The following NFIX variants were observed in gnomAD, a reference collection of about 807,000 sequenced individuals.
NFIX encodes the protein nuclear factor I X.
NFIX carries 2 observed loss-of-function variants against 53.3 expected under a neutral mutation model. That is an observed-to-expected ratio of 0.04 (90% CI 0.02 to 0.12). The LOEUF is 0.12. Among genes scored for constraint, NFIX ranks in the 10% least tolerant of loss-of-function variants. The pLI, the probability that NFIX is intolerant of heterozygous loss-of-function variation, is 1.00. For synonymous variants in NFIX, 244 were observed against 289.0 expected (o/e 0.84, Z 1.58); for missense variants, 310 against 674.5 (o/e 0.46, Z 5.99).
intron 2 of NFIX, among the ~76,000 whole-genome samples, chr19:13,063,461 T>G (rs570062456): frequency 6.7e-6 from 1 of 150,006 alleles, no homozygotes; most frequent in South Asian, 2.2e-4. Context: ...TGAGTATCTT[T>G]AGGAAAGTTT....
Position 12,995,825 on chromosome 19 carries a change from C to G in NFIX, c.-13C>G. On this transcript the variant is annotated 5_prime_UTR_variant, in exon 1 of 11. Transcript: ENST00000592199. ...CGCGGCCGGCCGCCGCGCTCCCGCC[C>G]GGGCGCCCAGCTATGTACTCCCCGT... 5 of 999,138 alleles carry G rather than the reference C, an allele frequency of 5.0e-6. 1 individual carries two copies. The South Asian group carries it at 2.1e-4, about 42-fold the overall frequency. 61.9% of individuals were successfully genotyped at this position (999,138 alleles called of 1,614,324 possible). A position where few individuals can be genotyped will look rare whatever the true frequency, so the allele number is the denominator to read the frequency against.
intron 1 of NFIX, among the ~76,000 whole-genome samples, chr19:13,019,691 T>C (rs1474065259): frequency 6.6e-6 from 1 of 151,178 alleles, no homozygotes; most frequent in African/African-American, 2.4e-5. Flanking sequence ...TTTAGAAATG[T>C]TTCAGTGAAA....
rs548948891 is a variant in NFIX, at chr19:13,066,841, C to T, written c.560-6206C>T. Among the ~76,000 whole-genome samples, 1 of 152,212 alleles carries T rather than the reference C, an allele frequency of 6.6e-6. No homozygotes were observed. Among genetic ancestry groups the T allele is most frequent in the Admixed American group, 6.5e-5 (1 of 15,294 alleles). ...AGGAAGATCCTAGAAGCCCCGTGGGCCCAGACCCTGGCCAAGCCTCATCCC... is the reference window on the plus strand; with the variant it reads ...AGGAAGATCCTAGAAGCCCCGTGGGTCCAGACCCTGGCCAAGCCTCATCCC... On this transcript the variant is annotated intron_variant, in intron 2 of 10. Transcript: ENST00000592199. This position sits in a 1 kb window ranked among gnomAD's most constrained non-coding sequence, Gnocchi z 4.2.
chr19:13,004,004 G>A (rs965044420), intron 1 of NFIX, among the ~76,000 whole-genome samples: 2 of 151,966 alleles, frequency 1.3e-5, no homozygotes, highest in African/African-American at 4.8e-5. Context: ...TGAATTCCTG[G>A]GCTCAGGTGA....
chr19:13,068,796 C>T lies in NFIX; in HGVS notation c.560-4251C>T, dbSNP rs116712612. Among the ~76,000 whole-genome samples, 3,932 of 152,342 alleles carry T rather than the reference C, an allele frequency of 0.026. 160 individuals are homozygous for T. The highest frequency in any genetic ancestry group is 0.089 in the African/African-American group (3,709 of 41,574). On this transcript the variant is annotated intron_variant, in intron 2 of 10. Coordinates refer to ENST00000592199, the MANE Select transcript of NFIX (RefSeq NM_001365902.3). The surrounding 1 kb of genome is among the most constrained non-coding windows in gnomAD (Gnocchi z 4.2). ...GAACCATGGGCAGGGGAGGCCTCTG[C>T]CTCAGAGACATGGATCTCACGAGTA...
chr19:13,001,809 C>T lies in NFIX; in HGVS notation c.27+5945C>T, dbSNP rs1240595343. 6.6e-6 allele frequency among the ~76,000 whole-genome samples: 1 copy of T among 152,246 alleles called. No homozygotes were observed. The highest frequency in any genetic ancestry group is 1.5e-5 in the Non-Finnish European group (1 of 68,036). ...GCACCATGTGAGATGCCTGCTATGG[C>T]GGCCGGGCAAGCGGCTGGGAGCGGG... is the stretch of plus-strand genomic sequence containing the variant. On this transcript the variant is annotated intron_variant, in intron 1 of 10. Coordinates refer to ENST00000592199, the MANE Select transcript of NFIX (RefSeq NM_001365902.3). This position sits in a 1 kb window ranked among gnomAD's most constrained non-coding sequence, Gnocchi z 6.5.
chr19:13,084,212 C>T (rs1196087513), intron 8 of NFIX, among the ~76,000 whole-genome samples: 2 of 152,054 alleles, frequency 1.3e-5, no homozygotes, highest in Non-Finnish European at 2.9e-5. Context: ...GAGGCTGAGG[C>T]AGGCAGATGA....
In NFIX at chr19:13,040,536, T is replaced by G. The variant is rs2014544168; in HGVS notation, c.559+14984T>G. ...GCTCTGAGGCTTTTCCTCGCCTCCC[T>G]CCCTCTCCTCAGGAGCCCTGGCCTC... On this transcript the variant is annotated intron_variant, in intron 2 of 10. Transcript: ENST00000592199. This position sits in a 1 kb window ranked among gnomAD's most constrained non-coding sequence, Gnocchi z 4.2. Among the ~76,000 whole-genome samples, 1 of 152,130 alleles carries G rather than the reference T, an allele frequency of 6.6e-6. No individual in the cohort carries two copies. Among genetic ancestry groups the G allele is most frequent in the African/African-American group, 2.4e-5 (1 of 41,432 alleles).
intron 1 of NFIX, among the ~76,000 whole-genome samples, chr19:13,010,658 C>T (rs887110802): frequency 2.0e-5 from 3 of 152,254 alleles, no homozygotes; most frequent in African/African-American, 7.2e-5. Context: ...GAGCCCTGCG[C>T]CCCAACGGGG....
Position 13,024,559 on chromosome 19 carries a change from G to A in NFIX, c.28-462G>A, listed in dbSNP as rs568020248. On this transcript the variant is annotated intron_variant, in intron 1 of 10. Coordinates refer to ENST00000592199, the MANE Select transcript of NFIX (RefSeq NM_001365902.3). ...GAGGCGGCCCCGCACGCCCCCGCGT[G>A]TGCGTCCACGGGCGTCTGTGCAGAC... The A allele has an allele frequency of 2.0e-6, 3 of 1,531,234 alleles. No individual in the cohort carries two copies. The African/African-American group carries it at 4.1e-5, about 21-fold the overall frequency. The allele number at this position is 1,531,234 out of a possible 1,614,324, so 94.9% of individuals were successfully genotyped here.
chr19:12,998,505 G>A lies in NFIX; in HGVS notation c.27+2641G>A, dbSNP rs1024364214. On this transcript the variant is annotated intron_variant, in intron 1 of 10. Transcript: ENST00000592199. The surrounding 1 kb of genome is among the most constrained non-coding windows in gnomAD (Gnocchi z 4.4). ...TAGAAAAAGCATCGAAATTCAGGGC[G>A]GCCGGGTGGGGCGGTTCCTGGAGCT... Among the ~76,000 whole-genome samples, 9 of 152,072 alleles carry A rather than the reference G, an allele frequency of 5.9e-5. No individual in the cohort carries two copies. The highest frequency in any genetic ancestry group is 1.3e-4 in the Admixed American group (2 of 15,270).
intron 1 of NFIX, among the ~76,000 whole-genome samples, chr19:12,999,474 A>G (rs1342834801): frequency 7.4e-6 from 1 of 134,508 alleles, no homozygotes; most frequent in Non-Finnish European, 1.6e-5. Context: ...ACCCGGCCAC[A>G]AATACCTTTT....
At chr19:13,046,929 AG>A (rs1373259090) in intron 2 of NFIX, among the ~76,000 whole-genome samples, 1 of 152,192 alleles carries the variant, frequency 6.6e-6, no homozygotes, top group East Asian at 1.9e-4. Flanking sequence ...GAACATCAGA[AG>A]TGAAGCTACT....
intron 2 of NFIX, among the ~76,000 whole-genome samples, chr19:13,041,192 T>C (rs2014594894): frequency 6.6e-6 from 1 of 152,218 alleles, no homozygotes; most frequent in African/African-American, 2.4e-5. Context: ...TCACAAACTC[T>C]GGACACACAG....
In NFIX at chr19:13,088,014, T is replaced by A; in HGVS notation, c.1280T>A (p.Val427Asp). The A allele has an allele frequency of 6.5e-7, 1 of 1,536,042 alleles. No individual in the cohort carries two copies. Among genetic ancestry groups the A allele is most frequent in the Non-Finnish European group, 8.7e-7 (1 of 1,146,886 alleles). The stretch of plus-strand genomic sequence containing the variant: ...CCCAACGGTAGCGGCCAGGGCAAAG[T>A]CCCGGGGTCATTTTTGCTACCGCCG... ...GQPNGSGQGK[V>D]PGSFLLPPPP... Residue 427 changes from valine (V) to aspartate (D), a missense_variant, in exon 9 of 11, where the codon GTC becomes GAC. Around this residue, in one of 5 missense-constraint regions of NFIX, gnomAD observed 35 missense variants for 114.8 expected, o/e 0.30. Coordinates refer to ENST00000592199, the MANE Select transcript of NFIX (RefSeq NM_001365902.3). The surrounding 1 kb of genome is among the most constrained non-coding windows in gnomAD (Gnocchi z 5.9).
chr19:13,033,988 T>A (rs1184225710), intron 2 of NFIX, among the ~76,000 whole-genome samples: 2 of 152,174 alleles, frequency 1.3e-5, no homozygotes, highest in Non-Finnish European at 2.9e-5. Flanking sequence ...GTATCTACTG[T>A]ACAGAGGAGG....
chr19:13,060,403 G>A lies in NFIX; in HGVS notation c.560-12644G>A, dbSNP rs887231361. ...GAGCCTCACTGTGGGTGGGAGGGGC[G>A]TGGTCAGCCAGCCTTGCCTCCTGGG... On this transcript the variant is annotated intron_variant, in intron 2 of 10. Transcript: ENST00000592199. The surrounding 1 kb of genome is among the most constrained non-coding windows in gnomAD (Gnocchi z 4.3). 5.9e-5 allele frequency among the ~76,000 whole-genome samples: 9 copies of A among 152,020 alleles called. No homozygotes were observed. Among genetic ancestry groups the A allele is most frequent in the Non-Finnish European group, 7.4e-5 (5 of 67,996 alleles).
chr19:13,023,977 T>C, intron 1 of NFIX: 1 of 1,151,756 alleles, frequency 8.7e-7, no homozygotes, highest in Non-Finnish European at 1.1e-6. Context: ...TCACAACTCT[T>C]TTGAGTCCAG....
rs142603445 is a variant in NFIX, at chr19:13,066,836, G to A, written c.560-6211G>A. 2.0e-5 allele frequency among the ~76,000 whole-genome samples: 3 copies of A among 152,222 alleles called. No homozygotes were observed. The highest frequency in any genetic ancestry group is 1.9e-4 in the East Asian group (1 of 5,182). On this transcript the variant is annotated intron_variant, in intron 2 of 10. Coordinates refer to ENST00000592199, the MANE Select transcript of NFIX (RefSeq NM_001365902.3). This position sits in a 1 kb window ranked among gnomAD's most constrained non-coding sequence, Gnocchi z 4.2. ...AGGAGAGGAAGATCCTAGAAGCCCC[G>A]TGGGCCCAGACCCTGGCCAAGCCTC...
Sources: gnomAD v4.1 joint callset for allele counts (sites outside exome capture counted in the v4.1 genomes callset) on GRCh38, gnomAD v4.1.1 for gene constraint, gnomAD v4.1.1 regional missense constraint, Gnocchi (gnomAD v3.1) non-coding constraint, MANE v1.5 for transcripts, NCBI Gene and HGNC (gene_info 2026-07-23, HGNC 2026-07-21) for gene names.